The following GABRG3 variants were observed in gnomAD, a reference collection of about 807,000 sequenced individuals.
GABRG3 encodes gamma-aminobutyric acid type A receptor subunit gamma3.
A neutral mutation model predicts 48.8 loss-of-function variants in GABRG3; 25 were observed. The ratio of observed to expected loss-of-function variants is 0.51; its 90% CI spans 0.37 to 0.72. GABRG3 has a LOEUF of 0.72. Ranked by LOEUF, GABRG3 falls within the 30% of genes least tolerant of loss-of-function variation. GABRG3 has a pLI of 0.00. For missense variants in GABRG3, 394 were observed against 577.9 expected (o/e 0.68, Z 3.26); for synonymous variants, 227 against 217.6 (o/e 1.04, Z -0.38).
At chr15:27,063,401 C>G (rs1896684763) in intron 3 of GABRG3, among the ~76,000 whole-genome samples, 1 of 152,332 alleles carries the variant, frequency 6.6e-6, no homozygotes, top group African/African-American at 2.4e-5. Flanking sequence ...TGGGAGGTAT[C>G]TGGATCATGG....
intron 5 of GABRG3, among the ~76,000 whole-genome samples, chr15:27,417,811 A>T (rs11853763): frequency 6.6e-6 from 1 of 152,076 alleles, no homozygotes; most frequent in Non-Finnish European, 1.5e-5. Flanking sequence ...TGTCACTGAT[A>T]TGCGGTAGCT....
intron 3 of GABRG3, among the ~76,000 whole-genome samples, chr15:27,086,501 A>G (rs780790390): frequency 3.9e-5 from 6 of 152,172 alleles, no homozygotes; most frequent in African/African-American, 1.4e-4. Flanking sequence ...AAAGAATAAT[A>G]TGTATGACAG....
At chr15:27,342,119 G>A (rs899787381) in intron 5 of GABRG3, among the ~76,000 whole-genome samples, 5 of 152,196 alleles carry the variant, frequency 3.3e-5, no homozygotes, top group Non-Finnish European at 7.3e-5. Flanking sequence ...CCAAGGCCAT[G>A]TCCTGCTTTC....
At chr15:27,298,319 G>C (rs1290890153) in intron 3 of GABRG3, among the ~76,000 whole-genome samples, 2 of 152,136 alleles carry the variant, frequency 1.3e-5, no homozygotes, top group Admixed American at 6.6e-5. Flanking sequence ...AATCAGTTTA[G>C]AAGTTTATTT....
chr15:27,430,913 C>A (rs895043812), intron 5 of GABRG3, among the ~76,000 whole-genome samples: 2 of 151,788 alleles, frequency 1.3e-5, no homozygotes, highest in Non-Finnish European at 2.9e-5. Flanking sequence ...TCATTTGAAC[C>A]CAAGAGGCAG....
intron 3 of GABRG3, among the ~76,000 whole-genome samples, chr15:27,300,388 G>C (rs1028655886): frequency 1.3e-5 from 2 of 152,080 alleles, no homozygotes; most frequent in Non-Finnish European, 2.9e-5. Context: ...TGCAGGCCAG[G>C]CACGGTCACT....
chr15:27,418,468 G>T (rs1170608328), intron 5 of GABRG3, among the ~76,000 whole-genome samples: 1 of 152,156 alleles, frequency 6.6e-6, no homozygotes, highest in Non-Finnish European at 1.5e-5. Context: ...AGCAGCAAGG[G>T]TACGGCAATG....
At chr15:26,991,323 C>A (rs1025988171) in intron 2 of GABRG3, among the ~76,000 whole-genome samples, 1 of 151,984 alleles carries the variant, frequency 6.6e-6, no homozygotes, top group Admixed American at 6.5e-5. Context: ...GTTACTATAG[C>A]CTTGTAATGT....
chr15:27,008,675 A>G (rs1895631482), intron 2 of GABRG3, among the ~76,000 whole-genome samples: 1 of 149,024 alleles, frequency 6.7e-6, no homozygotes, highest in Non-Finnish European at 1.5e-5. Context: ...ACTCCCTACC[A>G]TCCCCCTGCA....
intron 6 of GABRG3, among the ~76,000 whole-genome samples, chr15:27,482,456 C>G (rs888819647): frequency 1.4e-5 from 2 of 140,956 alleles, no homozygotes; most frequent in African/African-American, 4.9e-5. Context: ...ATTCATGAAA[C>G]ACCATTGCTT....
At chr15:27,032,163 A>G (rs1470264997) in intron 3 of GABRG3, among the ~76,000 whole-genome samples, 1 of 152,098 alleles carries the variant, frequency 6.6e-6, no homozygotes, top group Non-Finnish European at 1.5e-5. Flanking sequence ...GATGTTTTAA[A>G]GCTGTCTATT....
At chr15:27,451,326 A>G (rs1261716476) in intron 5 of GABRG3, among the ~76,000 whole-genome samples, 1 of 152,206 alleles carries the variant, frequency 6.6e-6, no homozygotes, top group Admixed American at 6.5e-5. Flanking sequence ...CATACTACTG[A>G]CACAAAAACA....
rs77303491 is a variant in GABRG3, at chr15:27,274,821, G to T, written c.271-51988G>T. On this transcript the variant is annotated intron_variant, in intron 3 of 9. Coordinates refer to ENST00000615808, the MANE Select transcript of GABRG3 (RefSeq NM_033223.5). ...ATTATTATATCATCCTACCTAAAAT[G>T]ACACTGCAATGAGTCATGACAAGTA... 9.1e-3 allele frequency among the ~76,000 whole-genome samples: 1,384 copies of T among 152,218 alleles called. 20 individuals carry two copies. The highest frequency in any genetic ancestry group is 0.031 in the African/African-American group (1,307 of 41,526).
chr15:27,085,361 G>A (rs1897058670), intron 3 of GABRG3, among the ~76,000 whole-genome samples: 1 of 152,116 alleles, frequency 6.6e-6, no homozygotes, highest in South Asian at 2.1e-4. Flanking sequence ...TTTAACCAGT[G>A]TGCTATTGAT....
At chr15:27,317,939 A>G (rs1893288067) in intron 3 of GABRG3, among the ~76,000 whole-genome samples, 1 of 152,228 alleles carries the variant, frequency 6.6e-6, no homozygotes, top group Non-Finnish European at 1.5e-5. Flanking sequence ...AAAACACGGA[A>G]CACTCTGAAG....
intron 3 of GABRG3, among the ~76,000 whole-genome samples, chr15:27,243,821 AC>A (rs1184515024): frequency 6.6e-6 from 1 of 152,140 alleles, no homozygotes; most frequent in Non-Finnish European, 1.5e-5. Flanking sequence ...AAGAAAAAGG[AC>A]CCCAATCATG....
At chr15:27,521,389 T>C (rs1891156573) in intron 7 of GABRG3, among the ~76,000 whole-genome samples, 1 of 152,128 alleles carries the variant, frequency 6.6e-6, no homozygotes, top group Non-Finnish European at 1.5e-5. Flanking sequence ...GAACCATCAG[T>C]AAATTAACTG....
chr15:27,209,662 G>C (rs1349998234), intron 3 of GABRG3, among the ~76,000 whole-genome samples: 3 of 152,202 alleles, frequency 2.0e-5, no homozygotes, highest in African/African-American at 7.2e-5. Flanking sequence ...ATACAGGGCA[G>C]CTGTCTCTGG....
rs186956501 is a variant in GABRG3 at position 27,232,609 on chromosome 15, A to T, written c.271-94200A>T. Among the ~76,000 whole-genome samples, 63 of 152,274 alleles carry T rather than the reference A, an allele frequency of 4.1e-4. 1 individual carries two copies. Among genetic ancestry groups the T allele is most frequent in the Middle Eastern group, 3.4e-3 (1 of 294 alleles). On this transcript the variant is annotated intron_variant, in intron 3 of 9. Transcript: ENST00000615808. ...GCCAGACCATGTTCTGAGTGCTGGG[A>T]CTAGAGGCTTTTCCCTACAATTCTG...
Sources: allele counts gnomAD v4.1 joint callset (sites outside exome capture counted in the v4.1 genomes callset), GRCh38; gene constraint gnomAD v4.1.1; transcripts MANE v1.5; gene names NCBI Gene and HGNC (gene_info 2026-07-23, HGNC 2026-07-21).